Variants in NUP107 observed in about 807,000 individuals in gnomAD.
The protein encoded by NUP107 is nuclear pore complex protein Nup107.
In NUP107, 101 loss-of-function variants were observed where a neutral mutation model predicts 141.0. That is an observed-to-expected ratio of 0.72 (90% CI 0.61 to 0.84). NUP107 has a LOEUF of 0.84. Ranked by LOEUF, NUP107 falls within the 40% of genes least tolerant of loss-of-function variation. The pLI, the probability that NUP107 is intolerant of heterozygous loss-of-function variation, is 0.00. For synonymous variants in NUP107, 319 were observed against 363.9 expected (o/e 0.88, Z 1.41); for missense variants, 941 against 1,102.7 (o/e 0.85, Z 2.08).
At chr12:68,708,737 A>C (rs1203171713) in intron 8 of NUP107, among the ~76,000 whole-genome samples, 1 of 151,802 alleles carries the variant, frequency 6.6e-6, no homozygotes, top group South Asian at 2.1e-4. Flanking sequence ...CTCGTGCCTT[A>C]GCCTCCGAGT....
Position 68,742,706 on chromosome 12 carries a change from T to C in NUP107, c.*244T>C, listed in dbSNP as rs1878371864. On this transcript the variant is annotated 3_prime_UTR_variant, in exon 28 of 28. Coordinates refer to ENST00000229179, the MANE Select transcript of NUP107 (RefSeq NM_020401.4). ...TTTACAAATTCCAGGGTTGTCTCTT[T>C]TTCATGTAATAAGAAAATTAAATTT... is the stretch of plus-strand genomic sequence containing the variant. 3 of 219,414 alleles carry C rather than the reference T, an allele frequency of 1.4e-5. No homozygotes were observed. In the South Asian group the frequency reaches 5.3e-4, roughly 39 times the overall value. The allele number at this position is 219,414 out of a possible 1,614,324, so 13.6% of individuals were successfully genotyped here. A position where few individuals can be genotyped will look rare whatever the true frequency, so the allele number is the denominator to read the frequency against.
At chr12:68,705,955 A>G (rs1164726471) in intron 8 of NUP107, 5 of 901,398 alleles carry the variant, frequency 5.5e-6, no homozygotes, top group South Asian at 2.6e-5. Flanking sequence ...CTTCATTGAC[A>G]AGGTACAGTT....
chr12:68,720,368 C>T (rs190237878), intron 14 of NUP107, among the ~76,000 whole-genome samples: 9 of 152,100 alleles, frequency 5.9e-5, no homozygotes, highest in East Asian at 3.9e-4. Flanking sequence ...CTTTAGGGCA[C>T]ATGGCAGAAG....
In NUP107 at chr12:68,689,064, C is replaced by T. The variant is rs374859932; in HGVS notation, c.100+11C>T. 6 of 1,587,296 alleles carry T rather than the reference C, an allele frequency of 3.8e-6. No individual in the cohort carries two copies. The African/African-American group carries it at 4.0e-5, about 11-fold the overall frequency. On this transcript the variant is annotated intron_variant, in intron 2 of 27. Coordinates refer to ENST00000229179, the MANE Select transcript of NUP107 (RefSeq NM_020401.4). ...AGAAAAGAGTTTTACGTATCCTTTG[C>T]GATTTAAGCATCATTATAAAAATTG...
chr12:68,715,243 C>T (rs1877047893), intron 11 of NUP107, among the ~76,000 whole-genome samples: 1 of 152,188 alleles, frequency 6.6e-6, no homozygotes, highest in African/African-American at 2.4e-5. Context: ...CGCCTGTAAT[C>T]CCAGCACTTT....
intron 24 of NUP107, among the ~76,000 whole-genome samples, chr12:68,734,170 C>T (rs1255910418): frequency 6.6e-6 from 1 of 152,084 alleles, no homozygotes; most frequent in Non-Finnish European, 1.5e-5. Context: ...CCAGCTTCTT[C>T]AGAGGCTGAG....
At chr12:68,729,830 G>A (rs1467851384) in intron 20 of NUP107, among the ~76,000 whole-genome samples, 12 of 148,596 alleles carry the variant, frequency 8.1e-5, no homozygotes, top group African/African-American at 1.5e-4. Context: ...TCACTCTCTC[G>A]CCCAGGCTGG....
chr12:68,709,318 A>G lies in NUP107; in HGVS notation c.801+9A>G, dbSNP rs756475806. ...TTGTTCGACAAAGTCAGGTATGACT[A>G]GAATTTAAAATTTTTTTTTATGAAA... On this transcript the variant is annotated intron_variant, in intron 9 of 27. Coordinates refer to ENST00000229179, the MANE Select transcript of NUP107 (RefSeq NM_020401.4). The G allele has an allele frequency of 3.2e-6, 5 of 1,552,676 alleles. No homozygotes were observed. Among genetic ancestry groups the G allele is most frequent in the Non-Finnish European group, 4.4e-6 (5 of 1,145,884 alleles).
Position 68,742,388 on chromosome 12 carries a change from C to T in NUP107, c.2704C>T (p.Gln902Ter), listed in dbSNP as rs557582039. Residue 902 changes from glutamine (Q) to a stop codon, truncating the protein, a stop_gained, in exon 28 of 28, where the codon CAG (glutamine) becomes TAG (stop). Coordinates refer to ENST00000229179, the MANE Select transcript of NUP107 (RefSeq NM_020401.4). LOFTEE classifies it high-confidence loss of function. ...TAAGGAAGAGCTAAGGAAGTTGCTG[C>T]AGAAGCTCAGAGAGTCCTCTCTAAT... ...FSKEELRKLL[Q>*]KLRESSLMLL... The T allele has an allele frequency of 6.2e-7, 1 of 1,611,396 alleles. No homozygotes were observed. The highest frequency in any genetic ancestry group is 8.5e-7 in the Non-Finnish European group (1 of 1,178,222).
At chr12:68,731,290 G>C (rs764187097) in intron 21 of NUP107, 30 bp downstream of exon 21, 2 of 1,567,528 alleles carry the variant, frequency 1.3e-6, no homozygotes, top group South Asian at 2.4e-5. Context: ...TTGTCTTTTG[G>C]CCTTTCTAGG....
At chr12:68,709,169 A>T in intron 8 of NUP107, 69 bp from the exon 9 acceptor site, 1 of 1,064,706 alleles carries the variant, frequency 9.4e-7, no homozygotes, top group Non-Finnish European at 1.4e-6. Flanking sequence ...TTATCTTTCT[A>T]TTAAAATAAT....
Position 68,687,088 on chromosome 12 carries a change from TG to T in NUP107, c.8+17del. ...GCCATGGACAGGTCAGTACTGATGG[TG>T]GCAGCTGAGCCCGAAGTCTTGCCCG... On this transcript the variant is annotated intron_variant, in intron 1 of 27. Transcript: ENST00000229179. 1.2e-6 allele frequency: 2 copies of T among 1,614,038 alleles called. No individual in the cohort carries two copies. The highest frequency in any genetic ancestry group is 8.5e-7 in the Non-Finnish European group (1 of 1,179,912).
rs1358690670 is a variant in NUP107 at position 68,743,804 on chromosome 12, A to C, written c.*1342A>C. 6.6e-6 allele frequency: 1 copy of C among 152,176 alleles called. No individual in the cohort carries two copies. The highest frequency in any genetic ancestry group is 1.5e-5 in the Non-Finnish European group (1 of 68,020). The allele number at this position is 152,176 out of a possible 1,614,324, so 9.4% of individuals were successfully genotyped here. On this transcript the variant is annotated 3_prime_UTR_variant, in exon 28 of 28. Coordinates refer to ENST00000229179, the MANE Select transcript of NUP107 (RefSeq NM_020401.4). ...GGGATCATAGAATTTGATCAGTTCT[A>C]TATTATGTGCTTTTTTTGTTTTATT...
rs748537729 is a variant in NUP107, at chr12:68,733,636, G to C, written c.2262+24G>C. The C allele has an allele frequency of 2.5e-6, 4 of 1,584,206 alleles. No individual in the cohort carries two copies. The South Asian group carries it at 4.6e-5, about 18-fold the overall frequency. ...TGGTGAGACTGTAAAGAAAGCCACA[G>C]ATGTGCCTACTTCATGATGATTTTT... On this transcript the variant is annotated intron_variant, in intron 24 of 27. Transcript: ENST00000229179.
At chr12:68,692,196 A>G (rs183156150) in intron 5 of NUP107, 84 bp downstream of exon 5, 57 of 1,313,484 alleles carry the variant, frequency 4.3e-5, no homozygotes, top group Non-Finnish European at 5.7e-5. Context: ...TCTGAACGTC[A>G]TTATGTTTTT....
intron 25 of NUP107, among the ~76,000 whole-genome samples, 174 bp from the exon 26 acceptor site, chr12:68,735,057 A>G (rs1878008022): frequency 6.6e-6 from 1 of 152,188 alleles, no homozygotes; most frequent in East Asian, 1.9e-4. Context: ...TACAAAGTTA[A>G]CATTTTAGCG....
At chr12:68,732,208 G>C (rs76821439) in intron 22 of NUP107, among the ~76,000 whole-genome samples, 3,408 of 152,240 alleles carry the variant, frequency 0.022, 129 homozygotes, top group African/African-American at 0.076. Context: ...CGCTATCTCT[G>C]CTTACTGCAA....
chr12:68,731,665 T>C lies in NUP107; in HGVS notation c.1944T>C (p.Asn648=), dbSNP rs1419766725. The part of the protein sequence containing the change: ...TVVENIRKKD[N]GEFSHHDLAP... The stretch of plus-strand genomic sequence containing the variant: ...TTGAGAATATTCGAAAGAAAGATAA[T>C]GGTGAATTTAGTCATCATGACCTGG... The change falls in exon 22 of 28, where the codon AAT becomes AAC. Residue 648 remains asparagine (N), a synonymous_variant. Coordinates refer to ENST00000229179, the MANE Select transcript of NUP107 (RefSeq NM_020401.4). The C allele has an allele frequency of 6.3e-7, 1 of 1,588,658 alleles. No individual in the cohort carries two copies. Among genetic ancestry groups the C allele is most frequent in the African/African-American group, 1.4e-5 (1 of 73,432 alleles).
intron 24 of NUP107, among the ~76,000 whole-genome samples, 174 bp from the exon 25 acceptor site, chr12:68,734,534 A>C (rs1456175212): frequency 6.6e-6 from 1 of 152,236 alleles, no homozygotes; most frequent in Non-Finnish European, 1.5e-5. Context: ...GTCACTTGAC[A>C]AAACATTTAT....
Sources: gnomAD v4.1 joint callset for allele counts (sites outside exome capture counted in the v4.1 genomes callset) on GRCh38, gnomAD v4.1.1 for gene constraint, MANE v1.5 for transcripts, NCBI Gene and HGNC (gene_info 2026-07-23, HGNC 2026-07-21) for gene names.